COL5A1: variants seen among roughly 807,000 people sequenced by gnomAD.
The protein encoded by COL5A1 is collagen type V alpha 1 chain.
Under a neutral mutation model 263.7 loss-of-function variants are expected in COL5A1, and 16 were observed. That is an observed-to-expected ratio of 0.06 (90% CI 0.04 to 0.09). The LOEUF is 0.09. Among genes scored for constraint, COL5A1 ranks in the 10% least tolerant of loss-of-function variants. COL5A1 has a pLI of 1.00. For synonymous variants in COL5A1, 1,012 were observed against 1,004.5 expected, an observed-to-expected ratio of 1.01 and a Z score of -0.14; for missense variants, 2,036 against 2,540.5, an observed-to-expected ratio of 0.80 and a Z score of 4.27.
chr9:134,809,158 A>G, intron 42 of COL5A1, 25 bp from the exon 43 acceptor site: 1 of 1,547,200 alleles, frequency 6.5e-7, no homozygotes, highest in Non-Finnish European at 8.8e-7. Context: ...GCCACGTTTG[A>G]CCTGAGATCT....
At chr9:134,763,786 G>A (rs906174919) in intron 20 of COL5A1, 49 bp downstream of exon 20, 2 of 1,570,056 alleles carry the variant, frequency 1.3e-6, no homozygotes, top group Non-Finnish European at 1.8e-6. Flanking sequence ...GTGGAGAAAG[G>A]CTTTGTCCAA....
At position 134,700,157 on chromosome 9, in the gene COL5A1, T is replaced by A. The variant is rs993395225; in HGVS notation, c.491+35T>A. On this transcript the variant is annotated intron_variant, in intron 3 of 65. Coordinates refer to ENST00000371817, the MANE Select transcript of COL5A1 (RefSeq NM_000093.5). The surrounding 1 kb of genome is among the most constrained non-coding windows in gnomAD (Gnocchi z 4.0). ...CACTTCTGGGCAACTGTCCCCCTGC[T>A]GGAGGGGGGATCAGGCCAGCTCATA... The A allele has an allele frequency of 1.3e-6, 2 of 1,573,416 alleles. No homozygotes were observed. The highest frequency in any genetic ancestry group is 1.7e-6 in the Non-Finnish European group (2 of 1,158,226).
In COL5A1 at chr9:134,728,669, G is replaced by A. The variant is rs1834747073; in HGVS notation, c.787-1G>A. 1 of 1,613,952 alleles carries A rather than the reference G, an allele frequency of 6.2e-7. No homozygotes were observed. Among genetic ancestry groups the A allele is most frequent in the Non-Finnish European group, 8.5e-7 (1 of 1,180,044 alleles). On this transcript the variant is annotated splice_acceptor_variant, in intron 5 of 65. Transcript: ENST00000371817. LOFTEE classifies it high-confidence loss of function. ...CTCACGGGGCCGCAATTCGCTTTCA[G>A]TACACGGAAGGAGACGGCGAGGGTG...
chr9:134,717,890 G>C (rs868628503), intron 4 of COL5A1, among the ~76,000 whole-genome samples: 1 of 152,118 alleles, frequency 6.6e-6, no homozygotes, highest in Non-Finnish European at 1.5e-5. Flanking sequence ...GTCATGGGGG[G>C]GCTGGCTCAA....
At chr9:134,735,901 C>T (rs1013114271) in intron 9 of COL5A1, among the ~76,000 whole-genome samples, 19 of 152,244 alleles carry the variant, frequency 1.2e-4, no homozygotes, top group African/African-American at 4.1e-4. Flanking sequence ...GTGGGGAGAT[C>T]GGTGTTCCCC....
intron 65 of COL5A1, among the ~76,000 whole-genome samples, chr9:134,838,999 CT>C (rs796112776): frequency 4.6e-5 from 7 of 152,364 alleles, no homozygotes; most frequent in African/African-American, 1.4e-4. Context: ...TCACAACCGT[CT>C]CATTTAATTA....
In COL5A1 at chr9:134,750,813, T is replaced by C; in HGVS notation, c.1593T>C (p.Asp531=). The C allele has an allele frequency of 2.5e-6, 4 of 1,613,206 alleles. No individual in the cohort carries two copies. Among genetic ancestry groups the C allele is most frequent in the Non-Finnish European group, 3.4e-6 (4 of 1,180,002 alleles). ...AGTTCCGGTTTGGAGGTGGCGGCGA[T>C]GCGGGCTCCAAAGGCCCCATGGTCT... is the stretch of plus-strand genomic sequence containing the variant. ...MLPFRFGGGG[D]AGSKGPMVSA... The change falls in exon 13 of 66, where the codon GAT becomes GAC. Residue 531 remains aspartate, a synonymous_variant. Coordinates refer to ENST00000371817, the MANE Select transcript of COL5A1 (RefSeq NM_000093.5).
chr9:134,781,801 C>T (rs1310292755), intron 28 of COL5A1, among the ~76,000 whole-genome samples: 1 of 152,146 alleles, frequency 6.6e-6, no homozygotes, highest in Non-Finnish European at 1.5e-5. Flanking sequence ...CTGGGAGCCC[C>T]GGGAGCTGGC....
chr9:134,827,263 C>T (rs780954403), intron 63 of COL5A1, among the ~76,000 whole-genome samples: 12 of 152,210 alleles, frequency 7.9e-5, no homozygotes, highest in Non-Finnish European at 1.3e-4. Flanking sequence ...ACGCCCTGAC[C>T]GTGCTGAGCT....
At chr9:134,687,303 G>C (rs1183620679) in intron 1 of COL5A1, among the ~76,000 whole-genome samples, 1 of 152,174 alleles carries the variant, frequency 6.6e-6, no homozygotes, top group Non-Finnish European at 1.5e-5. Flanking sequence ...AAGGCACCTG[G>C]GAAGTGTAGT....
At chr9:134,668,395 C>T (rs559624559) in intron 1 of COL5A1, among the ~76,000 whole-genome samples, 4 of 152,266 alleles carry the variant, frequency 2.6e-5, no homozygotes, top group East Asian at 3.9e-4. Context: ...AATGTGCAAA[C>T]GCCTGATCAC....
rs1838983540 is a variant in COL5A1, at chr9:134,821,166, G to T, written c.4555-931G>T. On this transcript the variant is annotated intron_variant, in intron 58 of 65. Transcript: ENST00000371817. This position sits in a 1 kb window ranked among gnomAD's most constrained non-coding sequence, Gnocchi z 4.2. ...GTCGGAGGAGTGCCGCCCAGGGTGT[G>T]GTGGCCCGGCAACCACGAGAATTAG... Among the ~76,000 whole-genome samples the T allele has an allele frequency of 1.3e-5, 2 of 152,110 alleles. No homozygotes were observed. Among genetic ancestry groups the T allele is most frequent in the Admixed American group, 1.3e-4 (2 of 15,278 alleles).
chr9:134,679,838 G>A (rs1278040187), intron 1 of COL5A1, among the ~76,000 whole-genome samples: 2 of 151,900 alleles, frequency 1.3e-5, no homozygotes, highest in South Asian at 2.1e-4. Context: ...GTCCCCTCGC[G>A]AGGCCCCACT....
chr9:134,747,646 TACAC>T (rs1349049844), intron 11 of COL5A1, among the ~76,000 whole-genome samples: 1 of 147,884 alleles, frequency 6.8e-6, no homozygotes, highest in Non-Finnish European at 1.5e-5. Flanking sequence ...CATGCATTCA[TACAC>T]ATGCAGACAC....
At position 134,822,086 on chromosome 9, in the gene COL5A1, G is replaced by A; in HGVS notation, c.4555-11G>A. Reference sequence around the variant, plus strand: ...TGAAGGTGATAACCTGCATTTTCTGGTCCTTTTCAGGGTATCACTGGTCCT... The same window carrying A: ...TGAAGGTGATAACCTGCATTTTCTGATCCTTTTCAGGGTATCACTGGTCCT... On this transcript the variant is annotated splice_polypyrimidine_tract_variant and intron_variant, in intron 58 of 65. Transcript: ENST00000371817. 2 of 1,613,678 alleles carry A rather than the reference G, an allele frequency of 1.2e-6. No individual in the cohort carries two copies. Among genetic ancestry groups the A allele is most frequent in the Non-Finnish European group, 1.7e-6 (2 of 1,179,690 alleles).
intron 53 of COL5A1, among the ~76,000 whole-genome samples, 177 bp from the exon 54 acceptor site, chr9:134,817,601 C>T (rs1447502875): frequency 6.6e-6 from 1 of 151,990 alleles, no homozygotes; most frequent in Non-Finnish European, 1.5e-5. Flanking sequence ...CCGGGAGCAG[C>T]CTCCATGACC....
chr9:134,823,521 G>A (rs746300126), intron 61 of COL5A1, 52 bp downstream of exon 61: 154 of 1,582,236 alleles, frequency 9.7e-5, no homozygotes, highest in Non-Finnish European at 1.3e-4. Flanking sequence ...GGCTAGCTCC[G>A]AGGGAATTGA....
chr9:134,721,357 G>T (rs1383672514), intron 4 of COL5A1, among the ~76,000 whole-genome samples: 2 of 151,026 alleles, frequency 1.3e-5, no homozygotes, highest in East Asian at 3.9e-4. Flanking sequence ...ATACAGGGCT[G>T]CCCAGGACCC....
rs181701250 is a variant in COL5A1 at position 134,725,930 on chromosome 9, T to G, written c.655-1336T>G. Among the ~76,000 whole-genome samples, 308 of 152,376 alleles carry G rather than the reference T, an allele frequency of 2.0e-3. 1 individual carries two copies. Among genetic ancestry groups the G allele is most frequent in the African/African-American group, 7.2e-3 (300 of 41,594 alleles). ...CTATGAACACTTGTATACATTTATT[T>G]GTTTGAGTCCCTGTTTTGTTTGGAG... On this transcript the variant is annotated intron_variant, in intron 4 of 65. Transcript: ENST00000371817.
Sources: allele counts gnomAD v4.1 joint callset (sites outside exome capture counted in the v4.1 genomes callset), GRCh38; gene constraint gnomAD v4.1.1; non-coding constraint Gnocchi (gnomAD v3.1); transcripts MANE v1.5; gene names NCBI Gene and HGNC (gene_info 2026-07-23, HGNC 2026-07-21).